Variants in CCDC81 observed in about 807,000 individuals in gnomAD.
CCDC81 encodes the protein coiled-coil domain-containing protein 81.
Under a neutral mutation model 83.7 loss-of-function variants are expected in CCDC81, and 79 were observed. The observed-to-expected ratio is 0.94, with a 90% CI of 0.79 to 1.14. CCDC81 has a LOEUF of 1.14. Among genes scored for constraint, CCDC81 ranks in the 50% most tolerant of loss-of-function variants. The pLI is 0.00. For synonymous variants in CCDC81, 252 were observed against 278.1 expected (o/e 0.91, Z 0.93); for missense variants, 791 against 778.1 (o/e 1.02, Z -0.20).
intron 1 of CCDC81, 99 bp downstream of exon 1, chr11:86,375,341 C>G (rs1948085410): frequency 9.2e-7 from 1 of 1,081,364 alleles, no homozygotes; most frequent in Non-Finnish European, 1.4e-6. Flanking sequence ...CTGGCTCAGG[C>G]CTGGCCTGCC....
intron 6 of CCDC81, among the ~76,000 whole-genome samples, chr11:86,399,813 T>C (rs972281426): frequency 1.3e-5 from 2 of 151,974 alleles, no homozygotes; most frequent in African/African-American, 4.8e-5. Context: ...CCTCTGAACA[T>C]ATCAGATCCT....
At chr11:86,401,167 A>G (rs1293625975) in intron 7 of CCDC81, among the ~76,000 whole-genome samples, 1 of 152,212 alleles carries the variant, frequency 6.6e-6, no homozygotes, top group African/African-American at 2.4e-5. Context: ...TATTTACATC[A>G]AATTGGAAAG....
In CCDC81 at chr11:86,416,222, AT is replaced by A. The variant is rs546278926; in HGVS notation, c.1691+912del. Among the ~76,000 whole-genome samples the A allele has an allele frequency of 3.1e-4, 47 of 152,272 alleles. 1 individual carries two copies. The highest frequency in any genetic ancestry group is 6.8e-3 in the Middle Eastern group (2 of 294). On this transcript the variant is annotated intron_variant, in intron 13 of 14. Transcript: ENST00000445632. Reference sequence around the variant, plus strand: ...TGTATATAAGTCCTTTATCTGATATATTTGTAAAGCCTAAACATGCCTGAAA... The same window carrying A: ...TGTATATAAGTCCTTTATCTGATATATTGTAAAGCCTAAACATGCCTGAAA...
At chr11:86,375,328 T>C in intron 1 of CCDC81, 86 bp downstream of exon 1, 1 of 1,212,556 alleles carries the variant, frequency 8.2e-7, no homozygotes, top group Non-Finnish European at 1.2e-6. Context: ...ACTTCCCAAT[T>C]CCCTGGCTCA....
intron 1 of CCDC81, among the ~76,000 whole-genome samples, chr11:86,379,385 C>T (rs1024016078): frequency 1.7e-4 from 26 of 152,150 alleles, no homozygotes; most frequent in African/African-American, 4.8e-4. Context: ...TGTGAGCCAC[C>T]GTGCCAGGCC....
At chr11:86,421,419 C>T (rs1948788332) in intron 14 of CCDC81, among the ~76,000 whole-genome samples, 6 of 152,130 alleles carry the variant, frequency 3.9e-5, no homozygotes, top group Admixed American at 2.6e-4. Flanking sequence ...ATGCCATTCT[C>T]CTGCCTCAGC....
chr11:86,394,967 T>C (rs1948383478), intron 4 of CCDC81: 1 of 159,744 alleles, frequency 6.3e-6, no homozygotes, highest in African/African-American at 2.4e-5. Context: ...CTTAATTGCC[T>C]AATTTTAGTT....
intron 13 of CCDC81, 76 bp from the exon 14 acceptor site, chr11:86,419,852 T>C (rs1948765878): frequency 2.0e-6 from 3 of 1,485,596 alleles, no homozygotes; most frequent in African/African-American, 2.8e-5. Flanking sequence ...TTGTTTAACA[T>C]AAAAGGAATG....
intron 3 of CCDC81, among the ~76,000 whole-genome samples, chr11:86,388,206 TTCCC>T (rs1948273358): frequency 7.5e-6 from 1 of 133,130 alleles, no homozygotes; most frequent in African/African-American, 2.9e-5. Context: ...CCTTCCCTCC[TTCCC>T]TCCTTCCTTC....
chr11:86,409,444 G>C (rs1948608556), intron 10 of CCDC81, 79 bp downstream of exon 10: 4 of 627,940 alleles, frequency 6.4e-6, no homozygotes, highest in African/African-American at 1.9e-5. Context: ...GTTGCAGGTT[G>C]TGCCTTATTT....
intron 1 of CCDC81, among the ~76,000 whole-genome samples, chr11:86,381,421 C>A (rs997653281): frequency 6.6e-5 from 10 of 152,176 alleles, no homozygotes; most frequent in African/African-American, 2.4e-4. Flanking sequence ...CTGTGGGAAT[C>A]TGGTTGAGCT....
At position 86,408,178 on chromosome 11, in the gene CCDC81, T is replaced by C. The variant is rs779218532; in HGVS notation, c.1021T>C (p.Tyr341His). 3.1e-6 allele frequency: 5 copies of C among 1,614,010 alleles called. No homozygotes were observed. In the South Asian group the frequency reaches 4.4e-5, roughly 14 times the overall value. The change falls in exon 9 of 15, where the codon TAC (tyrosine) becomes CAC (histidine). Residue 341 changes from tyrosine (Y) to histidine (H), a missense_variant. Transcript: ENST00000445632. ...AGCACAACGAAATTCCCTGTTGTACTACAGTGAGGAAAGGAGGAGAGAGAT... is the reference window on the plus strand; with the variant it reads ...AGCACAACGAAATTCCCTGTTGTACCACAGTGAGGAAAGGAGGAGAGAGAT... ...QRAQRNSLLY[Y>H]SEERRREIED...
intron 5 of CCDC81, 151 bp from the exon 6 acceptor site, chr11:86,397,470 T>C (rs1341123266): frequency 1.3e-6 from 1 of 754,276 alleles, no homozygotes; most frequent in African/African-American, 1.8e-5. Flanking sequence ...ATCTATGATA[T>C]GTACTTAGCA....
At chr11:86,390,199 A>C (rs1316623893) in intron 3 of CCDC81, among the ~76,000 whole-genome samples, 1 of 152,258 alleles carries the variant, frequency 6.6e-6, no homozygotes, top group Non-Finnish European at 1.5e-5. Context: ...CCCGGAGGAC[A>C]GCATGCCTAA....
At chr11:86,408,053 G>A (rs1052315315) in intron 8 of CCDC81, 74 bp from the exon 9 acceptor site, 2 of 1,473,216 alleles carry the variant, frequency 1.4e-6, no homozygotes, top group Non-Finnish European at 1.9e-6. Flanking sequence ...AGCCTTTGGA[G>A]AGCTTGTGAA....
chr11:86,407,591 T>C (rs1229926773), intron 7 of CCDC81, 23 bp from the exon 8 acceptor site: 1 of 1,513,232 alleles, frequency 6.6e-7, no homozygotes, highest in Non-Finnish European at 9.2e-7. Context: ...TAAACATTAA[T>C]TAATGTTGCA....
chr11:86,379,297 C>T (rs985357929), intron 1 of CCDC81, among the ~76,000 whole-genome samples: 52 of 152,022 alleles, frequency 3.4e-4, no homozygotes, highest in African/African-American at 1.2e-3. Flanking sequence ...GGGGTTTCAC[C>T]ATGTTAGCCA....
Position 86,407,651 on chromosome 11 carries a change from A to T in CCDC81, c.919A>T (p.Met307Leu). Residue 307 changes from methionine to leucine, a missense_variant, in exon 8 of 15, where the codon ATG becomes TTG. Coordinates refer to ENST00000445632, the MANE Select transcript of CCDC81 (RefSeq NM_001156474.2). ...AAGTTGTCTGAAACACGACAGTGAG[A>T]TGAAGCCCCAAACATCTCCAGCTTG... ...YPSCLKHDSEMKPQTSPACQD... is the reference protein window; with the variant it reads ...YPSCLKHDSELKPQTSPACQD... 2 of 1,613,722 alleles carry T rather than the reference A, an allele frequency of 1.2e-6. No individual in the cohort carries two copies.
chr11:86,403,048 C>A (rs570591668), intron 7 of CCDC81, among the ~76,000 whole-genome samples: 2 of 110,778 alleles, frequency 1.8e-5, no homozygotes, highest in East Asian at 5.7e-4. Context: ...GAGATGGGGT[C>A]TTAGTATGTT....
Sources: allele counts gnomAD v4.1 joint callset (sites outside exome capture counted in the v4.1 genomes callset), GRCh38; gene constraint gnomAD v4.1.1; transcripts MANE v1.5; gene names NCBI Gene and HGNC (gene_info 2026-07-23, HGNC 2026-07-21).